PDE4D: variants seen among roughly 807,000 people sequenced by gnomAD.
PDE4D encodes the protein phosphodiesterase 4D, also known as 3',5'-cyclic-AMP phosphodiesterase 4D.
A neutral mutation model predicts 87.4 loss-of-function variants in PDE4D; 24 were observed. The observed-to-expected ratio is 0.27, with a 90% CI of 0.20 to 0.39. The LOEUF is 0.39. PDE4D is among the 10% of genes least tolerant of loss of function. The pLI is 1.00. For missense variants in PDE4D, 714 were observed against 1,041.0 expected (o/e 0.69, Z 4.32); for synonymous variants, 384 against 383.2 (o/e 1.00, Z -0.02).
intron 1 of PDE4D, among the ~76,000 whole-genome samples, chr5:59,763,342 T>TA (rs889553149): frequency 4.0e-5 from 6 of 150,190 alleles, no homozygotes; most frequent in African/African-American, 7.3e-5. Flanking sequence ...AAATAAAAAA[T>TA]AAAAAAAAAT....
At chr5:60,304,651 C>CAAAAAAAA (rs70975379) in intron 1 of PDE4D, among the ~76,000 whole-genome samples, 6 of 60,078 alleles carry the variant, frequency 1.0e-4, no homozygotes, top group Admixed American at 1.8e-4. Context: ...GACTCCGTCT[C>CAAAAAAAA]AAAAAAAAAA....
intron 2 of PDE4D, among the ~76,000 whole-genome samples, chr5:60,081,664 G>A (rs888629521): frequency 6.6e-6 from 1 of 152,114 alleles, no homozygotes; most frequent in African/African-American, 2.4e-5. Flanking sequence ...GAGTCATTCA[G>A]GAGCAGGTTG....
intron 3 of PDE4D, among the ~76,000 whole-genome samples, chr5:59,187,671 A>G (rs762877163): frequency 3.3e-5 from 5 of 152,188 alleles, no homozygotes; most frequent in Non-Finnish European, 7.3e-5. Context: ...TAGGTTTTCT[A>G]TCTTAAAGTT....
At chr5:60,047,654 C>T (rs946709795) in intron 2 of PDE4D, among the ~76,000 whole-genome samples, 13 of 152,122 alleles carry the variant, frequency 8.5e-5, no homozygotes, top group Non-Finnish European at 1.9e-4. Context: ...GCAGGTTGTT[C>T]AGTTTCCATG....
chr5:59,188,975 A>C (rs879621320), intron 3 of PDE4D, among the ~76,000 whole-genome samples: 1 of 152,194 alleles, frequency 6.6e-6, no homozygotes, highest in Admixed American at 6.5e-5. Context: ...CGAGGTGACT[A>C]TCTTCTTTCA....
chr5:59,756,662 C>T (rs1315499432), intron 1 of PDE4D, among the ~76,000 whole-genome samples: 2 of 152,028 alleles, frequency 1.3e-5, no homozygotes, highest in Non-Finnish European at 2.9e-5. Flanking sequence ...GGGTATGGAT[C>T]CCCCTGGGTG....
At chr5:59,575,243 TC>T (rs1006436970) in intron 1 of PDE4D, among the ~76,000 whole-genome samples, 4 of 152,296 alleles carry the variant, frequency 2.6e-5, no homozygotes, top group Non-Finnish European at 5.9e-5. Flanking sequence ...TAGAGGCTGG[TC>T]TATGTCTGAA....
At chr5:59,060,334 C>G (rs1762946713) in intron 5 of PDE4D, among the ~76,000 whole-genome samples, 1 of 150,630 alleles carries the variant, frequency 6.6e-6, no homozygotes, top group African/African-American at 2.5e-5. Context: ...AAATATCTGT[C>G]TTCCTTAAGC....
intron 3 of PDE4D, among the ~76,000 whole-genome samples, chr5:59,944,351 CT>C (rs1322092199): frequency 1.3e-5 from 2 of 151,284 alleles, no homozygotes; most frequent in Non-Finnish European, 3.0e-5. Context: ...TCTGGGCATG[CT>C]TTTTTTTTGT....
intron 2 of PDE4D, among the ~76,000 whole-genome samples, chr5:60,175,519 T>C (rs1386485474): frequency 6.6e-6 from 1 of 152,164 alleles, no homozygotes; most frequent in Admixed American, 6.6e-5. Flanking sequence ...GGACAGTAGA[T>C]ACTGAGATAG....
chr5:59,945,120 TG>T (rs1260875925), intron 3 of PDE4D, among the ~76,000 whole-genome samples: 19 of 152,368 alleles, frequency 1.2e-4, no homozygotes, highest in Middle Eastern at 3.4e-3. Context: ...CAAGTTTTTC[TG>T]TTGCTTCTTT....
chr5:60,481,291 A>G (rs1583899314), intron 1 of PDE4D, among the ~76,000 whole-genome samples: 1 of 152,160 alleles, frequency 6.6e-6, no homozygotes, highest in East Asian at 1.9e-4. Flanking sequence ...TTAACAGAAA[A>G]TTAACAGATT....
intron 1 of PDE4D, among the ~76,000 whole-genome samples, chr5:59,515,731 TA>T (rs1208517500): frequency 1.3e-5 from 2 of 152,196 alleles, no homozygotes; most frequent in African/African-American, 2.4e-5. Context: ...ATAAAAAATG[TA>T]TAAGATCTTC....
intron 1 of PDE4D, among the ~76,000 whole-genome samples, chr5:59,638,039 A>G (rs142780064): frequency 6.6e-6 from 1 of 152,328 alleles, no homozygotes; most frequent in Non-Finnish European, 1.5e-5. Context: ...AAAATGATTC[A>G]TATTACTTAA....
chr5:59,356,413 T>C (rs1406766281), intron 1 of PDE4D, among the ~76,000 whole-genome samples: 1 of 152,212 alleles, frequency 6.6e-6, no homozygotes, highest in Non-Finnish European at 1.5e-5. Context: ...GTGTTTTTTT[T>C]GTTGGTCAAA....
intron 1 of PDE4D, among the ~76,000 whole-genome samples, chr5:59,598,070 T>C (rs1272234701): frequency 6.6e-6 from 1 of 152,118 alleles, no homozygotes; most frequent in Non-Finnish European, 1.5e-5. Context: ...ACAAAACTAT[T>C]AATGTGAAAC....
intron 3 of PDE4D, among the ~76,000 whole-genome samples, chr5:59,957,028 T>A (rs1333075466): frequency 6.6e-6 from 1 of 152,220 alleles, no homozygotes; most frequent in Non-Finnish European, 1.5e-5. Context: ...GGCACTGACT[T>A]ATGGAATTCT....
intron 6 of PDE4D, among the ~76,000 whole-genome samples, chr5:59,001,716 C>T (rs1202267328): frequency 6.6e-6 from 1 of 152,186 alleles, no homozygotes; most frequent in Non-Finnish European, 1.5e-5. Flanking sequence ...TGCCATATTT[C>T]TGAATACAAG....
intron 1 of PDE4D, among the ~76,000 whole-genome samples, chr5:59,598,127 A>T (rs1826971942): frequency 6.6e-6 from 1 of 152,202 alleles, no homozygotes; most frequent in Admixed American, 6.5e-5. Context: ...TGGGAAGCAC[A>T]TTTGAAATGT....
Sources: allele counts gnomAD v4.1 joint callset (sites outside exome capture counted in the v4.1 genomes callset), GRCh38; gene constraint gnomAD v4.1.1; transcripts MANE v1.5; gene names NCBI Gene and HGNC (gene_info 2026-07-23, HGNC 2026-07-21).